Variants in CATSPERE observed in about 807,000 individuals in gnomAD.
CATSPERE encodes the protein cation channel sperm-associated auxiliary subunit epsilon.
Under a neutral mutation model 114.1 loss-of-function variants are expected in CATSPERE, and 93 were observed. The ratio of observed to expected loss-of-function variants is 0.81; its 90% CI spans 0.69 to 0.97. The LOEUF is 0.97. Ranked by LOEUF, CATSPERE falls within the 50% of genes least tolerant of loss-of-function variation. The pLI is 0.00. For synonymous variants in CATSPERE, 341 were observed against 384.1 expected (o/e 0.89, Z 1.31); for missense variants, 1,058 against 1,131.6 (o/e 0.93, Z 0.93).
chr1:244,615,071 G>T (rs1671203521), intron 19 of CATSPERE, among the ~76,000 whole-genome samples: 1 of 151,806 alleles, frequency 6.6e-6, no homozygotes, highest in Non-Finnish European at 1.5e-5. Context: ...TGGGAGATTG[G>T]TAGAGCTGCC....
intron 7 of CATSPERE, among the ~76,000 whole-genome samples, chr1:244,513,792 G>A (rs892164086): frequency 1.3e-5 from 2 of 152,162 alleles, no homozygotes; most frequent in African/African-American, 4.8e-5. Context: ...CAGGCCTCCA[G>A]ATAAAAAATG....
At chr1:244,625,935 G>A (rs1673143466) in intron 20 of CATSPERE, among the ~76,000 whole-genome samples, 1 of 151,188 alleles carries the variant, frequency 6.6e-6, no homozygotes. Flanking sequence ...CTGAGAAGTA[G>A]GTCTCAACAG....
rs532035894 is a variant in CATSPERE, at chr1:244,561,111, A to G, written c.1473A>G (p.Leu491=). Residue 491 remains leucine, a synonymous_variant, in exon 10 of 22, where the codon CTA becomes CTG. Transcript: ENST00000366534. The part of the protein sequence containing the change: ...TPAGHGNLSM[L]SNDSIIHEVF... Reference sequence around the variant, plus strand: ...CAGGACATGGAAATCTATCAATGCTATCAAATGACAGCATTATTCATGAAG... The same window carrying G: ...CAGGACATGGAAATCTATCAATGCTGTCAAATGACAGCATTATTCATGAAG... 33 of 1,603,976 alleles carry G rather than the reference A, an allele frequency of 2.1e-5. No individual in the cohort carries two copies. In the East Asian group the frequency reaches 6.7e-4, roughly 33 times the overall value.
intron 10 of CATSPERE, among the ~76,000 whole-genome samples, chr1:244,565,171 T>C (rs1663249031): frequency 6.6e-6 from 1 of 152,234 alleles, no homozygotes; most frequent in African/African-American, 2.4e-5. Flanking sequence ...TGAGGATTTT[T>C]GCAACGATGT....
chr1:244,523,113 C>T (rs2148381954), intron 8 of CATSPERE, among the ~76,000 whole-genome samples: 1 of 147,970 alleles, frequency 6.8e-6, no homozygotes, highest in Admixed American at 6.6e-5. Context: ...CTGAATCCAG[C>T]AGCACATCAA....
At chr1:244,631,881 A>G (rs567051537) in intron 20 of CATSPERE, among the ~76,000 whole-genome samples, 35 of 152,288 alleles carry the variant, frequency 2.3e-4, no homozygotes, top group African/African-American at 8.2e-4. Flanking sequence ...TTTGGAAGAC[A>G]GTTGTTTGGC....
intron 20 of CATSPERE, among the ~76,000 whole-genome samples, chr1:244,630,630 G>A (rs1009166564): frequency 2.0e-5 from 3 of 152,120 alleles, no homozygotes; most frequent in Admixed American, 2.0e-4. Flanking sequence ...CAGGTTCCCT[G>A]GAAAGGAAAC....
chr1:244,501,255 T>C (rs1673994972), intron 7 of CATSPERE, among the ~76,000 whole-genome samples: 1 of 152,236 alleles, frequency 6.6e-6, no homozygotes, highest in Non-Finnish European at 1.5e-5. Context: ...CAAAACCTTC[T>C]TTAAAAATCT....
intron 8 of CATSPERE, among the ~76,000 whole-genome samples, chr1:244,528,270 C>T (rs1200000092): frequency 6.6e-6 from 1 of 152,176 alleles, no homozygotes; most frequent in Non-Finnish European, 1.5e-5. Flanking sequence ...CTTCCAGCTC[C>T]ATCCATACCC....
At chr1:244,609,637 GA>G (rs1278723350) in intron 18 of CATSPERE, among the ~76,000 whole-genome samples, 1 of 151,232 alleles carries the variant, frequency 6.6e-6, no homozygotes, top group Non-Finnish European at 1.5e-5. Context: ...TTTGTAATAA[GA>G]AAAAAATAAT....
rs3003285 is a variant in CATSPERE at position 244,514,873 on chromosome 1, A to T, written c.430-3719A>T. On this transcript the variant is annotated intron_variant, in intron 7 of 21. Coordinates refer to ENST00000366534, the MANE Select transcript of CATSPERE (RefSeq NM_001130957.2). ...AAAGAGTGCCTGGAAAAATTGGTGAAATCTGAATAAGGTCTGTACCCGAGT... is the reference window on the plus strand; with the variant it reads ...AAAGAGTGCCTGGAAAAATTGGTGATATCTGAATAAGGTCTGTACCCGAGT... 7.1e-3 allele frequency among the ~76,000 whole-genome samples: 1,085 copies of T among 151,978 alleles called. 14 individuals carry two copies. The highest frequency in any genetic ancestry group is 0.024 in the African/African-American group (1,011 of 41,458).
chr1:244,489,951 T>C (rs533165553), intron 5 of CATSPERE, among the ~76,000 whole-genome samples: 1 of 152,166 alleles, frequency 6.6e-6, no homozygotes, highest in Non-Finnish European at 1.5e-5. Context: ...AGATTAGCAC[T>C]GAGTATTAAG....
chr1:244,573,122 C>T lies in CATSPERE; in HGVS notation c.1950+350C>T, dbSNP rs1173172832. Reference sequence around the variant, plus strand: ...AAACCTAATTGCTTAGAACAACAACCAATTCTGGGCCGGGCATGGTGGCTC... The same window carrying T: ...AAACCTAATTGCTTAGAACAACAACTAATTCTGGGCCGGGCATGGTGGCTC... On this transcript the variant is annotated intron_variant, in intron 11 of 21. Transcript: ENST00000366534. The surrounding 1 kb of genome is among the most constrained non-coding windows in gnomAD (Gnocchi z 4.0). 6.6e-6 allele frequency among the ~76,000 whole-genome samples: 1 copy of T among 151,858 alleles called. No individual in the cohort carries two copies. The highest frequency in any genetic ancestry group is 1.5e-5 in the Non-Finnish European group (1 of 67,968).
At chr1:244,472,254 C>A (rs1412637660) in intron 2 of CATSPERE, among the ~76,000 whole-genome samples, 1 of 152,228 alleles carries the variant, frequency 6.6e-6, no homozygotes, top group Non-Finnish European at 1.5e-5. Flanking sequence ...AGCCACTGCA[C>A]CTGGCCCACG....
chr1:244,451,504 G>T, upstream of CATSPERE: 3 of 1,019,620 alleles, frequency 2.9e-6, no homozygotes, highest in Non-Finnish European at 4.2e-6. The surrounding 1 kb of genome is among the most constrained non-coding windows in gnomAD (Gnocchi z 6.6). Flanking sequence ...CAGGACAGGA[G>T]GAGAGAGCCT....
chr1:244,637,577 C>T (rs1326426567), intron 21 of CATSPERE, among the ~76,000 whole-genome samples: 1 of 152,208 alleles, frequency 6.6e-6, no homozygotes, highest in East Asian at 1.9e-4. Context: ...TTCACCCTTA[C>T]TGGAACCTCC....
At chr1:244,558,619 A>G (rs1662061843) in intron 9 of CATSPERE, among the ~76,000 whole-genome samples, 2 of 152,082 alleles carry the variant, frequency 1.3e-5, no homozygotes, top group Admixed American at 1.3e-4. Context: ...AACCTTCGAA[A>G]TCCTTGGGAG....
At chr1:244,592,410 G>C (rs1354552182) in intron 15 of CATSPERE, among the ~76,000 whole-genome samples, 1 of 151,936 alleles carries the variant, frequency 6.6e-6, no homozygotes, top group Non-Finnish European at 1.5e-5. Context: ...GTAAGATAAA[G>C]ATCTTCATTT....
At chr1:244,529,821 G>A (rs985106228) in intron 8 of CATSPERE, among the ~76,000 whole-genome samples, 2 of 152,072 alleles carry the variant, frequency 1.3e-5, no homozygotes, top group African/African-American at 4.8e-5. Flanking sequence ...TTTCCTAAAT[G>A]TTTTCTTTTA....
Sources: gnomAD v4.1 joint callset for allele counts (sites outside exome capture counted in the v4.1 genomes callset) on GRCh38, gnomAD v4.1.1 for gene constraint, Gnocchi (gnomAD v3.1) non-coding constraint, MANE v1.5 for transcripts, NCBI Gene and HGNC (gene_info 2026-07-23, HGNC 2026-07-21) for gene names.